Variants in JAZF1 observed in about 807,000 individuals in gnomAD.
JAZF1 encodes JAZF zinc finger 1, also known as juxtaposed with another zinc finger protein 1.
JAZF1 carries 8 observed loss-of-function variants against 26.4 expected under a neutral mutation model. The ratio of observed to expected loss-of-function variants is 0.30; its 90% CI spans 0.18 to 0.55. The LOEUF is 0.55. Among genes scored for constraint, JAZF1 ranks in the 20% least tolerant of loss-of-function variants. The pLI is 0.94. For synonymous variants in JAZF1, 126 were observed against 122.3 expected (o/e 1.03, Z -0.20); for missense variants, 199 against 322.0 (o/e 0.62, Z 2.92).
chr7:27,910,567 T>A (rs1784344487), intron 2 of JAZF1, among the ~76,000 whole-genome samples: 1 of 152,208 alleles, frequency 6.6e-6, no homozygotes, highest in South Asian at 2.1e-4. Context: ...TGCTGGTTTA[T>A]TTAGCAAAGC....
intron 1 of JAZF1, among the ~76,000 whole-genome samples, chr7:28,064,941 A>C (rs1783855692): frequency 6.6e-6 from 1 of 152,194 alleles, no homozygotes; most frequent in Admixed American, 6.5e-5. Context: ...TCTAAACTTT[A>C]GATCTGAGAA....
intron 1 of JAZF1, among the ~76,000 whole-genome samples, chr7:28,053,063 T>TTGA (rs1230526719): frequency 2.6e-5 from 4 of 152,230 alleles, no homozygotes; most frequent in African/African-American, 9.6e-5. Context: ...TCATATGCTT[T>TTGA]GACTCATAGT....
chr7:28,144,360 GAAAGAGAAACA>G (rs1782996745), intron 1 of JAZF1, among the ~76,000 whole-genome samples: 6 of 152,216 alleles, frequency 3.9e-5, no homozygotes, highest in Non-Finnish European at 7.3e-5. Context: ...ACACTGCATC[GAAAGAGAAACA>G]GACAGTTCTG....
chr7:28,040,841 A>C (rs1382957969), intron 1 of JAZF1, among the ~76,000 whole-genome samples: 1 of 152,210 alleles, frequency 6.6e-6, no homozygotes, highest in Non-Finnish European at 1.5e-5. Context: ...GAAGACCACA[A>C]TTCTCTAACA....
At chr7:27,954,406 G>T (rs1476542361) in intron 2 of JAZF1, among the ~76,000 whole-genome samples, 3 of 152,180 alleles carry the variant, frequency 2.0e-5, no homozygotes, top group Non-Finnish European at 4.4e-5. Flanking sequence ...GGCAGTGGGT[G>T]TGGCTGCTCA....
intron 2 of JAZF1, among the ~76,000 whole-genome samples, chr7:27,930,680 T>C (rs1784675296): frequency 6.6e-6 from 1 of 152,224 alleles, no homozygotes; most frequent in Non-Finnish European, 1.5e-5. Flanking sequence ...TTAGACACTT[T>C]CATAAAAACT....
intron 1 of JAZF1, among the ~76,000 whole-genome samples, chr7:28,128,274 A>G (rs1782731325): frequency 6.6e-6 from 1 of 152,174 alleles, no homozygotes; most frequent in South Asian, 2.1e-4. Context: ...CTGTAATCCC[A>G]GCACTATGGA....
intron 2 of JAZF1, among the ~76,000 whole-genome samples, chr7:27,981,922 A>T (rs922023877): frequency 3.3e-5 from 5 of 152,174 alleles, no homozygotes; most frequent in African/African-American, 4.8e-5. Context: ...CTATTCTTTG[A>T]CTTCTTTTGT....
intron 1 of JAZF1, among the ~76,000 whole-genome samples, chr7:28,150,854 A>C (rs150873065): frequency 3.0e-4 from 46 of 152,372 alleles, no homozygotes; most frequent in African/African-American, 1.1e-3. Flanking sequence ...AAGTGTCTGC[A>C]GGCAGCATGT....
At chr7:27,919,525 G>T (rs1784495172) in intron 2 of JAZF1, among the ~76,000 whole-genome samples, 1 of 152,206 alleles carries the variant, frequency 6.6e-6, no homozygotes, top group African/African-American at 2.4e-5. Flanking sequence ...TGTCAAAAAT[G>T]TAACTATCAG....
intron 1 of JAZF1, among the ~76,000 whole-genome samples, chr7:28,103,391 A>C (rs1174248914): frequency 6.6e-6 from 1 of 152,074 alleles, no homozygotes; most frequent in Admixed American, 6.5e-5. Context: ...GCTGTAGTGT[A>C]CTATGATCGC....
rs140384727 is a variant in JAZF1, at chr7:28,144,052, G to A, written c.115+36411C>T. ...TTGCTGGGTGGGTGTGTTAAGAGGAGGGAAAGAACTAGGAACAGGTTCTGC... is the reference window on the plus strand; with the variant it reads ...TTGCTGGGTGGGTGTGTTAAGAGGAAGGAAAGAACTAGGAACAGGTTCTGC... On this transcript the variant is annotated intron_variant, in intron 1 of 4. Coordinates refer to ENST00000283928, the MANE Select transcript of JAZF1 (RefSeq NM_175061.4). Among the ~76,000 whole-genome samples, 227 of 152,300 alleles carry A rather than the reference G, an allele frequency of 1.5e-3. 1 individual carries two copies. The highest frequency in any genetic ancestry group is 3.4e-3 in the Middle Eastern group (1 of 294).
chr7:28,023,390 T>G (rs1783039410), intron 1 of JAZF1, among the ~76,000 whole-genome samples: 1 of 152,230 alleles, frequency 6.6e-6, no homozygotes, highest in Non-Finnish European at 1.5e-5. Flanking sequence ...TGTAAGTAAT[T>G]CGAAACGATT....
At chr7:28,093,104 C>G (rs918122608) in intron 1 of JAZF1, among the ~76,000 whole-genome samples, 2 of 152,118 alleles carry the variant, frequency 1.3e-5, no homozygotes, top group Non-Finnish European at 1.5e-5. Flanking sequence ...CTTATCACCC[C>G]TTACTTCCCA....
At chr7:28,108,556 G>A (rs932261483) in intron 1 of JAZF1, among the ~76,000 whole-genome samples, 3 of 152,170 alleles carry the variant, frequency 2.0e-5, no homozygotes, top group African/African-American at 4.8e-5. Flanking sequence ...ATCAAGGAGG[G>A]CCTGTCCTCT....
intron 1 of JAZF1, among the ~76,000 whole-genome samples, chr7:28,140,977 C>T (rs1782952228): frequency 6.6e-6 from 1 of 152,248 alleles, no homozygotes; most frequent in South Asian, 2.1e-4. Context: ...AATGTTTTAA[C>T]GCAGAAAGAA....
chr7:27,967,724 G>GA (rs1225185876), intron 2 of JAZF1, among the ~76,000 whole-genome samples: 1 of 152,072 alleles, frequency 6.6e-6, no homozygotes, highest in South Asian at 2.1e-4. Flanking sequence ...TTTTTAAATA[G>GA]AAAAAGAGAT....
chr7:27,980,610 C>T (rs1221353011), intron 2 of JAZF1, among the ~76,000 whole-genome samples: 1 of 152,076 alleles, frequency 6.6e-6, no homozygotes, highest in African/African-American at 2.4e-5. Flanking sequence ...AAATGTCTAT[C>T]AAGGTTGTTT....
At chr7:28,137,826 A>G (rs1243836225) in intron 1 of JAZF1, among the ~76,000 whole-genome samples, 1 of 152,220 alleles carries the variant, frequency 6.6e-6, no homozygotes. Flanking sequence ...AGTGGTACTT[A>G]GAAGGTATCT....
Sources: gnomAD v4.1 joint callset for allele counts (sites outside exome capture counted in the v4.1 genomes callset) on GRCh38, gnomAD v4.1.1 for gene constraint, MANE v1.5 for transcripts, NCBI Gene and HGNC (gene_info 2026-07-23, HGNC 2026-07-21) for gene names.